Variants in LARGE1 observed in about 807,000 individuals in gnomAD.
LARGE1 encodes the protein xylosyl- and glucuronyltransferase LARGE1.
A neutral mutation model predicts 87.6 loss-of-function variants in LARGE1; 43 were observed. The ratio of observed to expected loss-of-function variants is 0.49; its 90% confidence interval spans 0.38 to 0.63. LARGE1 has a LOEUF of 0.63. Ranked by LOEUF, LARGE1 falls within the 30% of genes least tolerant of loss-of-function variation. The pLI is 0.00. For synonymous variants in LARGE1, 434 were observed against 394.6 expected, an observed-to-expected ratio of 1.10 and a Z score of -1.18; for missense variants, 802 against 1,000.2, an observed-to-expected ratio of 0.80 and a Z score of 2.67.
chr22:33,121,854 G>A, the LARGE1 span, among the ~76,000 whole-genome samples: 1 of 152,192 alleles, frequency 6.6e-6, no homozygotes, highest in Non-Finnish European at 1.5e-5. Context: ...GTCTTACATG[G>A]CAGCAGGCAA....
intron 6 of LARGE1, among the ~76,000 whole-genome samples, chr22:33,564,059 T>G (rs1207023751): frequency 6.6e-6 from 1 of 152,166 alleles, no homozygotes; most frequent in African/African-American, 2.4e-5. Flanking sequence ...GAAGGGATTT[T>G]AAACACAGAA....
chr22:33,319,325 A>T (rs1221180896), intron 10 of LARGE1, among the ~76,000 whole-genome samples: 1 of 152,212 alleles, frequency 6.6e-6, no homozygotes, highest in African/African-American at 2.4e-5. Flanking sequence ...AAGATGAGAC[A>T]TCTGGGGCAG....
At chr22:33,423,297 G>A (rs1046160138) in intron 7 of LARGE1, among the ~76,000 whole-genome samples, 12 of 151,958 alleles carry the variant, frequency 7.9e-5, no homozygotes, top group African/African-American at 1.9e-4. Flanking sequence ...ACCATTACAC[G>A]TTGAAGTAAA....
At chr22:33,502,410 G>T (rs1285456378) in intron 6 of LARGE1, among the ~76,000 whole-genome samples, 1 of 152,176 alleles carries the variant, frequency 6.6e-6, no homozygotes, top group Non-Finnish European at 1.5e-5. Context: ...GCTCTGAAAA[G>T]AAGGGACATG....
At chr22:33,129,551 C>T in the LARGE1 span, among the ~76,000 whole-genome samples, 62 of 152,084 alleles carry the variant, frequency 4.1e-4, no homozygotes, top group African/African-American at 1.4e-3. Context: ...TATATATATA[C>T]GCACGTATTA....
intron 1 of LARGE1, among the ~76,000 whole-genome samples, chr22:33,886,939 C>T (rs970081414): frequency 6.6e-6 from 1 of 152,084 alleles, no homozygotes; most frequent in African/African-American, 2.4e-5. Context: ...CCTATAAAGT[C>T]AACTGGGAAA....
At chr22:33,672,384 A>G (rs534894565) in intron 2 of LARGE1, among the ~76,000 whole-genome samples, 6 of 152,320 alleles carry the variant, frequency 3.9e-5, no homozygotes, top group Admixed American at 1.3e-4. Context: ...CAGAGCAACA[A>G]GCCTAACCTC....
chr22:33,078,837 A>G, the LARGE1 span, among the ~76,000 whole-genome samples: 1 of 152,242 alleles, frequency 6.6e-6, no homozygotes, highest in Admixed American at 6.5e-5. Context: ...ACTGCCTCAA[A>G]GGAGAGGGTT....
intron 12 of LARGE1, among the ~76,000 whole-genome samples, chr22:33,289,678 G>T (rs980587523): frequency 6.6e-6 from 1 of 152,084 alleles, no homozygotes; most frequent in Admixed American, 6.6e-5. Context: ...ATGAGATCTC[G>T]GTCTCTAGCC....
intron 10 of LARGE1, among the ~76,000 whole-genome samples, chr22:33,324,748 C>T (rs866044393): frequency 1.9e-4 from 29 of 152,238 alleles, no homozygotes; most frequent in Middle Eastern, 3.4e-3. Flanking sequence ...TTCACAGTTG[C>T]GCAAACTAAG....
intron 6 of LARGE1, among the ~76,000 whole-genome samples, chr22:33,502,144 C>T (rs931514370): frequency 5.9e-5 from 9 of 151,340 alleles, no homozygotes; most frequent in Admixed American, 2.0e-4. Flanking sequence ...TGCAGTGAGC[C>T]GAGATTGCAC....
In LARGE1 at chr22:33,826,252, C is replaced by A. The variant is rs117087377; in HGVS notation, c.-82-64694G>T. 1.7e-3 allele frequency among the ~76,000 whole-genome samples: 258 copies of A among 152,198 alleles called. 3 individuals are homozygous for A. Among genetic ancestry groups the A allele is most frequent in the Non-Finnish European group, 3.0e-3 (207 of 67,994 alleles). ...CGACTCTTGCAGCTTCTGATAAGTGCCAGCATTCCTTGACCTGTGGCTGCA... is the reference window on the plus strand; with the variant it reads ...CGACTCTTGCAGCTTCTGATAAGTGACAGCATTCCTTGACCTGTGGCTGCA... On this transcript the variant is annotated intron_variant, in intron 1 of 14. Coordinates refer to ENST00000397394, the MANE Select transcript of LARGE1 (RefSeq NM_133642.5).
intron 6 of LARGE1, among the ~76,000 whole-genome samples, chr22:33,437,100 T>C (rs1002084274): frequency 2.6e-5 from 4 of 152,210 alleles, no homozygotes; most frequent in African/African-American, 9.7e-5. Flanking sequence ...GTAATTTGCA[T>C]TGAAATAAAC....
chr22:33,339,604 C>T (rs925555356), intron 9 of LARGE1, among the ~76,000 whole-genome samples: 35 of 151,416 alleles, frequency 2.3e-4, no homozygotes, highest in African/African-American at 4.6e-4. Context: ...AACTTCCAGC[C>T]GAGACAGAAG....
the LARGE1 span, among the ~76,000 whole-genome samples, chr22:33,115,754 T>C: frequency 6.7e-6 from 1 of 149,380 alleles, no homozygotes; most frequent in Admixed American, 6.7e-5. Flanking sequence ...GAGGCGGCGG[T>C]TGCAGTGAGC....
chr22:33,429,750 C>T (rs2067012111), intron 7 of LARGE1, among the ~76,000 whole-genome samples: 1 of 152,112 alleles, frequency 6.6e-6, no homozygotes, highest in Non-Finnish European at 1.5e-5. Flanking sequence ...GTGTCTCCAC[C>T]TCCATGAAAG....
chr22:33,842,842 T>C (rs2063318139), intron 1 of LARGE1, among the ~76,000 whole-genome samples: 3 of 152,178 alleles, frequency 2.0e-5, no homozygotes, highest in Admixed American at 2.0e-4. Context: ...AGCTGGGATG[T>C]TACTCTTGAG....
chr22:33,709,774 C>A lies in LARGE1; in HGVS notation c.106+51597G>T, dbSNP rs576596512. 5.9e-5 allele frequency among the ~76,000 whole-genome samples: 9 copies of A among 151,710 alleles called. No individual in the cohort carries two copies. The South Asian group carries it at 1.9e-3, about 32-fold the overall frequency. Reference sequence around the variant, plus strand: ...CCGAGTAGCTGGGATTACAGGCATGCGCCACCAAGCCCAGCTAATTTTTAT... The same window carrying A: ...CCGAGTAGCTGGGATTACAGGCATGAGCCACCAAGCCCAGCTAATTTTTAT... On this transcript the variant is annotated intron_variant, in intron 2 of 14. Coordinates refer to ENST00000397394, the MANE Select transcript of LARGE1 (RefSeq NM_133642.5).
chr22:33,102,743 G>A, the LARGE1 span, among the ~76,000 whole-genome samples: 1 of 151,894 alleles, frequency 6.6e-6, no homozygotes, highest in Non-Finnish European at 1.5e-5. Context: ...CGTCCGCCTC[G>A]GCTTTCCAAA....
Sources: allele counts gnomAD v4.1 joint callset (sites outside exome capture counted in the v4.1 genomes callset), GRCh38; gene constraint gnomAD v4.1.1; transcripts MANE v1.5; gene names NCBI Gene and HGNC (gene_info 2026-07-23, HGNC 2026-07-21).